The following SCOC variants were observed in gnomAD, a reference collection of about 807,000 sequenced individuals.
The protein encoded by SCOC is short coiled coil protein.
A neutral mutation model predicts 9.9 loss-of-function variants in SCOC; 7 were observed. The ratio of observed to expected loss-of-function variants is 0.71; its 90% confidence interval spans 0.40 to 1.33. The LOEUF is 1.33. Ranked by LOEUF, SCOC falls within the 40% of genes most tolerant of loss-of-function variation. The pLI is 0.01. For synonymous variants in SCOC, 19 were observed against 28.2 expected, an observed-to-expected ratio of 0.67 and a Z score of 1.03; for missense variants, 66 against 89.7, an observed-to-expected ratio of 0.74 and a Z score of 1.07.
chr4:140,299,329 A>T (rs1444556001), intron 1 of SCOC, among the ~76,000 whole-genome samples: 1 of 152,210 alleles, frequency 6.6e-6, no homozygotes, highest in Non-Finnish European at 1.5e-5. Context: ...ACATACACAG[A>T]AATGTAGTGC....
chr4:140,297,005 C>T (rs564595372), intron 1 of SCOC, among the ~76,000 whole-genome samples: 1 of 152,326 alleles, frequency 6.6e-6, no homozygotes, highest in African/African-American at 2.4e-5. Context: ...GTCCCTGCTG[C>T]AGCCTCATCG....
chr4:140,372,622 G>C (rs1260074834), upstream of SCOC, among the ~76,000 whole-genome samples: 1 of 152,120 alleles, frequency 6.6e-6, no homozygotes, highest in Non-Finnish European at 1.5e-5. Flanking sequence ...CAAATGCATA[G>C]TTCTCAAAAC....
upstream of SCOC, chr4:140,373,424 C>A: frequency 1.3e-6 from 2 of 1,510,174 alleles, no homozygotes. Context: ...GTCGCTGTTC[C>A]AGGTCCCGCC....
At chr4:140,277,545 C>A (rs79106315) in intron 1 of SCOC, among the ~76,000 whole-genome samples, 2,389 of 152,250 alleles carry the variant, frequency 0.016, 58 homozygotes, top group African/African-American at 0.055. Flanking sequence ...CAAGGAGTAA[C>A]TTATCTTTCT....
At chr4:140,338,245 A>G (rs2126503762) in intron 1 of SCOC, among the ~76,000 whole-genome samples, 1 of 152,322 alleles carries the variant, frequency 6.6e-6, no homozygotes, top group South Asian at 2.1e-4. Context: ...ACAAAATTCA[A>G]CAGCCCTTCA....
intron 1 of SCOC, among the ~76,000 whole-genome samples, chr4:140,332,782 C>T (rs1224545929): frequency 1.3e-5 from 2 of 152,136 alleles, no homozygotes; most frequent in Non-Finnish European, 2.9e-5. Context: ...ACCACCTCAA[C>T]AGCGACCACT....
At chr4:140,369,054 G>C (rs886907111), upstream of SCOC, among the ~76,000 whole-genome samples, 3 of 151,680 alleles carry the variant, frequency 2.0e-5, no homozygotes, top group Non-Finnish European at 4.4e-5. Flanking sequence ...ATTCTTGCTT[G>C]AAAAAACTCT....
At chr4:140,267,168 A>G (rs939486766) in intron 1 of SCOC, among the ~76,000 whole-genome samples, 1 of 152,218 alleles carries the variant, frequency 6.6e-6, no homozygotes, top group Non-Finnish European at 1.5e-5. Flanking sequence ...TCAAATCGGT[A>G]AAGACACTGG....
intron 2 of SCOC, among the ~76,000 whole-genome samples, chr4:140,356,420 G>A (rs1269240569): frequency 6.6e-6 from 1 of 152,180 alleles, no homozygotes; most frequent in Non-Finnish European, 1.5e-5. Flanking sequence ...AAAGCCCACT[G>A]AAGCTTCACC....
At position 140,326,648 on chromosome 4, in the gene SCOC, C is replaced by A. The variant is rs535598402; in HGVS notation, c.-18-16973C>A. 7.2e-5 allele frequency among the ~76,000 whole-genome samples: 11 copies of A among 152,152 alleles called. No homozygotes were observed. The South Asian group carries it at 2.3e-3, about 32-fold the overall frequency. The stretch of plus-strand genomic sequence containing the variant: ...CTCAAATGAGTTATAGGCAGACCCC[C>A]CCCCCTACACTGTTAGGGAGAAAAC... On this transcript the variant is annotated intron_variant, in intron 1 of 4. Coordinates refer to the SCOC transcript ENST00000394205.
intron 2 of SCOC, among the ~76,000 whole-genome samples, chr4:140,357,558 G>A (rs1727284086): frequency 6.6e-6 from 1 of 152,198 alleles, no homozygotes; most frequent in African/African-American, 2.4e-5. Context: ...TGTAGACAAT[G>A]CATGTTCCTA....
chr4:140,346,400 C>T (rs925537862), intron 2 of SCOC, among the ~76,000 whole-genome samples: 1 of 152,122 alleles, frequency 6.6e-6, no homozygotes, highest in African/African-American at 2.4e-5. Flanking sequence ...AGAAAGGCCT[C>T]GAGTCCCCGG....
chr4:140,305,776 G>T (rs185597985), intron 1 of SCOC, among the ~76,000 whole-genome samples: 1 of 152,288 alleles, frequency 6.6e-6, no homozygotes, highest in African/African-American at 2.4e-5. Context: ...ACAGATTTCA[G>T]CTGGGGCAAA....
chr4:140,335,748 T>C (rs1453381311), intron 1 of SCOC, among the ~76,000 whole-genome samples: 1 of 152,160 alleles, frequency 6.6e-6, no homozygotes, highest in East Asian at 1.9e-4. Context: ...CCAGTGTTCT[T>C]CATTATTGAT....
upstream of SCOC, chr4:140,369,440 A>G: frequency 3.3e-6 from 1 of 303,096 alleles, no homozygotes; most frequent in Non-Finnish European, 6.7e-6. Flanking sequence ...ATGAGCTTAA[A>G]GCATCAGACA....
At chr4:140,360,395 T>A (rs1054566588) in intron 2 of SCOC, among the ~76,000 whole-genome samples, 1 of 152,156 alleles carries the variant, frequency 6.6e-6, no homozygotes, top group African/African-American at 2.4e-5. Context: ...TCCTGACAGT[T>A]GTCAGAGACA....
chr4:140,281,424 A>AT (rs1342656641), intron 1 of SCOC, among the ~76,000 whole-genome samples: 1 of 152,218 alleles, frequency 6.6e-6, no homozygotes, highest in African/African-American at 2.4e-5. Context: ...AGAAAAATGA[A>AT]TAGGTTAGAT....
At chr4:140,330,596 G>A (rs1266005409) in intron 1 of SCOC, among the ~76,000 whole-genome samples, 1 of 152,200 alleles carries the variant, frequency 6.6e-6, no homozygotes, top group Non-Finnish European at 1.5e-5. Context: ...CTGCAGAGTT[G>A]AGACATAAGC....
intron 1 of SCOC, among the ~76,000 whole-genome samples, chr4:140,334,706 TAC>T (rs971172452): frequency 4.6e-5 from 7 of 152,178 alleles, no homozygotes; most frequent in Non-Finnish European, 8.8e-5. Flanking sequence ...TCATCTTGCA[TAC>T]CTATGACTTT....
Sources: gnomAD v4.1 joint callset for allele counts (sites outside exome capture counted in the v4.1 genomes callset) on GRCh38, gnomAD v4.1.1 for gene constraint, MANE v1.5 for transcripts, NCBI Gene and HGNC (gene_info 2026-07-23, HGNC 2026-07-21) for gene names.